Variants in CEACAM21 observed in about 807,000 individuals in gnomAD.
CEACAM21 encodes the protein CEA cell adhesion molecule 21.
CEACAM21 carries 38 observed loss-of-function variants against 33.2 expected under a neutral mutation model. The observed-to-expected ratio is 1.14, with a 90% CI of 0.88 to 1.50. CEACAM21 has a LOEUF of 1.50. CEACAM21 is among the 40% of genes most tolerant of loss of function. CEACAM21 has a pLI of 0.00. For missense variants in CEACAM21, 385 were observed against 364.6 expected (o/e 1.06, Z -0.46); for synonymous variants, 156 against 143.0 (o/e 1.09, Z -0.65).
chr19:41,586,760 G>A lies in CEACAM21; in HGVS notation c.*297G>A, dbSNP rs905613965. 8.5e-6 allele frequency: 3 copies of A among 352,430 alleles called. No homozygotes were observed. Among genetic ancestry groups the A allele is most frequent in the African/African-American group, 4.3e-5 (2 of 46,726 alleles). 21.8% of individuals were successfully genotyped at this position (352,430 alleles called of 1,614,324 possible). On this transcript the variant is annotated 3_prime_UTR_variant, in exon 7 of 7. Transcript: ENST00000401445. ...AAGGCTTCCCATCACCACAGGAAGT[G>A]GGGGCTTGCAGGGAAAGTGAATGGG...
At chr19:41,586,111 G>A (rs1341040678) in intron 6 of CEACAM21, 2 of 607,756 alleles carry the variant, frequency 3.3e-6, no homozygotes, top group African/African-American at 1.9e-5. Flanking sequence ...TACACAGCAG[G>A]AATCCTTCCC....
At chr19:41,560,032 G>A (rs921787593) in intron 1 of CEACAM21, among the ~76,000 whole-genome samples, 3 of 152,082 alleles carry the variant, frequency 2.0e-5, no homozygotes, top group African/African-American at 7.2e-5. Context: ...AGCATGAGTA[G>A]CCCTATCAAC....
rs782249354 is a variant in CEACAM21 at position 41,585,424 on chromosome 19, T to C, written c.798-19T>C. On this transcript the variant is annotated intron_variant, in intron 4 of 6. Transcript: ENST00000401445. ...ACTTTTAACCTTGCACCTTCACAAA[T>C]AACCCTGACCTTTCCTAGGGCCAGC... is the stretch of plus-strand genomic sequence containing the variant. The C allele has an allele frequency of 3.7e-6, 6 of 1,613,680 alleles. No individual in the cohort carries two copies. Among genetic ancestry groups the C allele is most frequent in the Middle Eastern group, 1.7e-4 (1 of 6,058 alleles).
chr19:41,556,389 T>C (rs1568578357), intron 1 of CEACAM21, among the ~76,000 whole-genome samples: 2 of 152,190 alleles, frequency 1.3e-5, no homozygotes, highest in Non-Finnish European at 2.9e-5. Context: ...AAACGGAGTT[T>C]CACTCAAATC....
At chr19:41,581,575 A>AT (rs1297675898) in intron 3 of CEACAM21, among the ~76,000 whole-genome samples, 3 of 152,122 alleles carry the variant, frequency 2.0e-5, no homozygotes, top group Admixed American at 6.5e-5. Context: ...AGACTGGGTA[A>AT]TTTTTTTAAA....
intron 1 of CEACAM21, among the ~76,000 whole-genome samples, chr19:41,557,607 C>G (rs1008139157): frequency 3.3e-5 from 5 of 152,120 alleles, no homozygotes; most frequent in African/African-American, 1.2e-4. Context: ...ACTTGTCACC[C>G]TTCTAGTCCT....
At chr19:41,580,712 G>A (rs1894743636) in intron 3 of CEACAM21, among the ~76,000 whole-genome samples, 1 of 152,160 alleles carries the variant, frequency 6.6e-6, no homozygotes, top group Non-Finnish European at 1.5e-5. Context: ...ACTTCCATGG[G>A]TTCAGCTCTT....
At chr19:41,569,165 ATGGT>A (rs1271779881) in intron 2 of CEACAM21, among the ~76,000 whole-genome samples, 2 of 151,770 alleles carry the variant, frequency 1.3e-5, no homozygotes, top group Non-Finnish European at 2.9e-5. Flanking sequence ...ATTGCATAGC[ATGGT>A]TGATTAGAGT....
intron 3 of CEACAM21, among the ~76,000 whole-genome samples, chr19:41,583,728 C>T (rs922048340): frequency 3.3e-5 from 5 of 152,162 alleles, no homozygotes; most frequent in African/African-American, 7.2e-5. Context: ...AAAACCCACC[C>T]TCATGATTCA....
chr19:41,563,966 C>G (rs183653177), intron 1 of CEACAM21, among the ~76,000 whole-genome samples: 1 of 152,328 alleles, frequency 6.6e-6, no homozygotes, highest in African/African-American at 2.4e-5. Context: ...CCCATTGGCC[C>G]CTCAGCCAAG....
At chr19:41,584,282 C>A in intron 3 of CEACAM21, 65 bp from the exon 4 acceptor site, 1 of 1,395,828 alleles carries the variant, frequency 7.2e-7, no homozygotes, top group Non-Finnish European at 1.0e-6. Context: ...CCCTGCCCTG[C>A]AAGGCCCCTC....
rs1196558711 is a variant in CEACAM21, at chr19:41,584,338, T to C, written c.701-9T>C. 1 of 1,608,240 alleles carries C rather than the reference T, an allele frequency of 6.2e-7. No individual in the cohort carries two copies. Among genetic ancestry groups the C allele is most frequent in the Non-Finnish European group, 8.5e-7 (1 of 1,176,876 alleles). On this transcript the variant is annotated splice_polypyrimidine_tract_variant and intron_variant, in intron 3 of 6. Transcript: ENST00000401445. ...TTTGGACCTCATCCCCTTTGCCTTC[T>C]TCTTTCAGCAGATGACAACACTCTA...
chr19:41,575,375 GA>G (rs2042872776), upstream of CEACAM21, among the ~76,000 whole-genome samples: 1 of 152,084 alleles, frequency 6.6e-6, no homozygotes, highest in Non-Finnish European at 1.5e-5. Context: ...AGATCTTTGG[GA>G]AACAAACACT....
Position 41,586,714 on chromosome 19 carries a change from G to A in CEACAM21, c.*251G>A, listed in dbSNP as rs2070757237. The stretch of plus-strand genomic sequence containing the variant: ...ATAGAGACCTCAACAGACTGCCCCG[G>A]GCTCTGGGTGGGCCAAGGCGAAGGC... On this transcript the variant is annotated 3_prime_UTR_variant, in exon 7 of 7. Transcript: ENST00000401445. 2 of 379,072 alleles carry A rather than the reference G, an allele frequency of 5.3e-6. No homozygotes were observed. The highest frequency in any genetic ancestry group is 1.0e-5 in the Non-Finnish European group (2 of 198,332). 23.5% of individuals were successfully genotyped at this position (379,072 alleles called of 1,614,324 possible).
At chr19:41,572,555 C>T (rs74727575), upstream of CEACAM21, among the ~76,000 whole-genome samples, 1,056 of 152,258 alleles carry the variant, frequency 6.9e-3, 9 homozygotes, top group African/African-American at 0.016. Flanking sequence ...TCTGCTCTCT[C>T]GCCCAATGTT....
At chr19:41,556,606 G>A (rs2041546825) in intron 1 of CEACAM21, among the ~76,000 whole-genome samples, 1 of 152,092 alleles carries the variant, frequency 6.6e-6, no homozygotes, top group Non-Finnish European at 1.5e-5. Flanking sequence ...TTTACCAAAG[G>A]TAATCTCACC....
In CEACAM21 at chr19:41,552,624, ATATT is replaced by A. The variant is rs1378926562; in HGVS notation, c.-779+3080_-779+3083del. On this transcript the variant is annotated intron_variant, in intron 1 of 7. Coordinates refer to the CEACAM21 transcript ENST00000407170. ...TGCGCATGATTTCTATCATGCTTGT[ATATT>A]TATTTATCACAAGAATCATAGGGAG... Among the ~76,000 whole-genome samples the A allele has an allele frequency of 3.9e-5, 6 of 152,292 alleles. No homozygotes were observed. In the East Asian group the frequency reaches 7.7e-4, roughly 20 times the overall value.
At chr19:41,565,230 C>G (rs2042172991) in intron 2 of CEACAM21, among the ~76,000 whole-genome samples, 3 of 152,246 alleles carry the variant, frequency 2.0e-5, no homozygotes, top group South Asian at 4.1e-4. Flanking sequence ...CGCCCCGCCC[C>G]GCTCCCCTGT....
chr19:41,570,783 G>C (rs2042551818), intron 2 of CEACAM21, among the ~76,000 whole-genome samples: 1 of 152,200 alleles, frequency 6.6e-6, no homozygotes, highest in Non-Finnish European at 1.5e-5. Flanking sequence ...GAGACGGTGA[G>C]CTCCAGTAAG....
Sources: allele counts gnomAD v4.1 joint callset (sites outside exome capture counted in the v4.1 genomes callset), GRCh38; gene constraint gnomAD v4.1.1; transcripts MANE v1.5; gene names NCBI Gene and HGNC (gene_info 2026-07-23, HGNC 2026-07-21).